The following GOLM1 variants were observed in gnomAD, a reference collection of about 807,000 sequenced individuals.
GOLM1 encodes the protein golgi membrane protein 1, also known as epididymis luminal protein 46.
A neutral mutation model predicts 50.5 loss-of-function variants in GOLM1; 31 were observed. The ratio of observed to expected loss-of-function variants is 0.61; its 90% CI spans 0.46 to 0.83. GOLM1 has a LOEUF of 0.83. Among genes scored for constraint, GOLM1 ranks in the 40% least tolerant of loss-of-function variants. The pLI is 0.00. For synonymous variants in GOLM1, 178 were observed against 192.8 expected, an observed-to-expected ratio of 0.92 and a Z score of 0.64; for missense variants, 491 against 501.3, an observed-to-expected ratio of 0.98 and a Z score of 0.20.
intron 5 of GOLM1, among the ~76,000 whole-genome samples, chr9:86,041,151 G>A (rs1302679723): frequency 6.6e-6 from 1 of 152,152 alleles, no homozygotes; most frequent in Non-Finnish European, 1.5e-5. Context: ...AAAAAAATAT[G>A]TATTGGTCTT....
intron 3 of GOLM1, among the ~76,000 whole-genome samples, chr9:86,060,666 G>GA (rs1834126377): frequency 6.6e-6 from 1 of 151,904 alleles, no homozygotes; most frequent in East Asian, 1.9e-4. Context: ...TGGATCACCT[G>GA]AGGTCAGGAG....
chr9:86,050,208 G>A (rs1833695286), intron 4 of GOLM1, among the ~76,000 whole-genome samples: 1 of 152,222 alleles, frequency 6.6e-6, no homozygotes, highest in Non-Finnish European at 1.5e-5. Context: ...GCATCCCCGG[G>A]ATGAAGGCAA....
chr9:86,042,737 C>G (rs1308375124), intron 5 of GOLM1, among the ~76,000 whole-genome samples: 1 of 152,156 alleles, frequency 6.6e-6, no homozygotes, highest in African/African-American at 2.4e-5. Context: ...AAGGGAAGTA[C>G]TGATTGCACC....
chr9:86,026,146 T>TAA lies in GOLM1; in HGVS notation c.*1669_*1670dup, dbSNP rs1832773325. ...AAAAACAGAGCTGTGACAAGTTTTATAAGTTGAACAGAACATTTTATTTCT... is the reference window on the plus strand; with the variant it reads ...AAAAACAGAGCTGTGACAAGTTTTATAAAAGTTGAACAGAACATTTTATTTCT... On this transcript the variant is annotated 3_prime_UTR_variant, in exon 10 of 10. Coordinates refer to ENST00000388712, the MANE Select transcript of GOLM1 (RefSeq NM_016548.4). 7.1e-6 allele frequency: 7 copies of TAA among 984,496 alleles called. No individual in the cohort carries two copies. The highest frequency in any genetic ancestry group is 1.1e-4 in the East Asian group (1 of 8,790). 61.0% of individuals were successfully genotyped at this position (984,496 alleles called of 1,614,324 possible).
intron 1 of GOLM1, among the ~76,000 whole-genome samples, chr9:86,091,818 A>G (rs911547848): frequency 1.3e-5 from 2 of 152,224 alleles, no homozygotes; most frequent in African/African-American, 4.8e-5. Context: ...AATAAACTCC[A>G]TTCTCACTTC....
intron 1 of GOLM1, among the ~76,000 whole-genome samples, chr9:86,086,125 C>A (rs1214951843): frequency 6.6e-6 from 1 of 152,188 alleles, no homozygotes; most frequent in East Asian, 1.9e-4. Flanking sequence ...CCATTCTCTC[C>A]AGCATCTGTG....
intron 3 of GOLM1, among the ~76,000 whole-genome samples, chr9:86,053,346 A>ACCACGTACC (rs1833839519): frequency 3.5e-5 from 4 of 113,702 alleles, no homozygotes; most frequent in Non-Finnish European, 7.2e-5. Context: ...ACCACGCCAC[A>ACCACGTACC]ACTCCACACC....
chr9:86,073,714 C>T (rs1468613308), intron 3 of GOLM1, among the ~76,000 whole-genome samples: 2 of 152,182 alleles, frequency 1.3e-5, no homozygotes, highest in Non-Finnish European at 2.9e-5. Context: ...AAGGTTTTCC[C>T]CAGCATTCTG....
At chr9:86,069,292 C>T (rs1834386532) in intron 3 of GOLM1, among the ~76,000 whole-genome samples, 3 of 152,170 alleles carry the variant, frequency 2.0e-5, no homozygotes, top group South Asian at 2.1e-4. Context: ...TTAACATACA[C>T]AATCATTGCA....
chr9:86,054,654 G>A (rs1004817882), intron 3 of GOLM1, among the ~76,000 whole-genome samples: 1 of 152,172 alleles, frequency 6.6e-6, no homozygotes. Flanking sequence ...CCAAACTCCA[G>A]CTCCAACAAG....
chr9:86,027,694 A>G lies in GOLM1; in HGVS notation c.*123T>C, dbSNP rs1166044896. 4.9e-6 allele frequency: 7 copies of G among 1,430,898 alleles called. No homozygotes were observed. The East Asian group carries it at 1.8e-4, about 37-fold the overall frequency. The allele number at this position is 1,430,898 out of a possible 1,614,324, so 88.6% of individuals were successfully genotyped here. Reference sequence around the variant, plus strand: ...CACAAAGTGCATACTAAAATTTCACAATAATCATCTTCAGATGTACATTTT... The same window carrying G: ...CACAAAGTGCATACTAAAATTTCACGATAATCATCTTCAGATGTACATTTT... On this transcript the variant is annotated 3_prime_UTR_variant, in exon 10 of 10. Coordinates refer to ENST00000388712, the MANE Select transcript of GOLM1 (RefSeq NM_016548.4).
At chr9:86,081,356 C>G (rs1834779268) in intron 1 of GOLM1, among the ~76,000 whole-genome samples, 1 of 151,948 alleles carries the variant, frequency 6.6e-6, no homozygotes, top group African/African-American at 2.4e-5. Flanking sequence ...ACCACCACGG[C>G]CAGCTAATTT....
chr9:86,064,748 C>A (rs770601075), intron 3 of GOLM1, among the ~76,000 whole-genome samples: 2 of 152,238 alleles, frequency 1.3e-5, no homozygotes, highest in African/African-American at 4.8e-5. Flanking sequence ...GTTCCCTAGG[C>A]ACCCTTCCAG....
chr9:86,058,148 C>T (rs1834044434), intron 3 of GOLM1, among the ~76,000 whole-genome samples: 1 of 152,186 alleles, frequency 6.6e-6, no homozygotes, highest in South Asian at 2.1e-4. Context: ...CTTTTTACCT[C>T]TTAGCAATTT....
At chr9:86,095,589 A>C (rs1246597170) in intron 1 of GOLM1, among the ~76,000 whole-genome samples, 1 of 152,162 alleles carries the variant, frequency 6.6e-6, no homozygotes, top group African/African-American at 2.4e-5. Flanking sequence ...TAAAAGAATA[A>C]TATTTCATGA....
At chr9:86,043,785 C>T (rs113887927) in intron 5 of GOLM1, among the ~76,000 whole-genome samples, 160 of 152,306 alleles carry the variant, frequency 1.1e-3, no homozygotes, top group African/African-American at 3.7e-3. Context: ...CACCCATCGC[C>T]TCGGCCCAAG....
At chr9:86,093,225 C>A (rs1299568238) in intron 1 of GOLM1, among the ~76,000 whole-genome samples, 2 of 151,936 alleles carry the variant, frequency 1.3e-5, no homozygotes, top group African/African-American at 4.8e-5. Context: ...ACTAAAAATA[C>A]AATTAGCTGG....
chr9:86,093,227 A>C (rs2118905349), intron 1 of GOLM1, among the ~76,000 whole-genome samples: 1 of 152,234 alleles, frequency 6.6e-6, no homozygotes, highest in Admixed American at 6.5e-5. Context: ...TAAAAATACA[A>C]TTAGCTGGGC....
Position 86,069,191 on chromosome 9 carries a change from G to A in GOLM1, c.309+8221C>T, listed in dbSNP as rs563412526. On this transcript the variant is annotated intron_variant, in intron 3 of 9. Transcript: ENST00000388712. Reference sequence around the variant, plus strand: ...AGTTCTCAATAGCTAATTTCTGAGTGAGAACTACAGGTGAATTTTTCTTTT... The same window carrying A: ...AGTTCTCAATAGCTAATTTCTGAGTAAGAACTACAGGTGAATTTTTCTTTT... Among the ~76,000 whole-genome samples the A allele has an allele frequency of 6.2e-5, 9 of 145,564 alleles. No homozygotes were observed. In the South Asian group the frequency reaches 1.7e-3, roughly 27 times the overall value.
Sources: allele counts gnomAD v4.1 joint callset (sites outside exome capture counted in the v4.1 genomes callset), GRCh38; gene constraint gnomAD v4.1.1; transcripts MANE v1.5; gene names NCBI Gene and HGNC (gene_info 2026-07-23, HGNC 2026-07-21).